Variants in TOLLIP observed in about 807,000 individuals in gnomAD.
The protein encoded by TOLLIP is toll interacting protein, also known as toll-interacting protein.
In TOLLIP, 16 loss-of-function variants were observed where a neutral mutation model predicts 33.5. The observed-to-expected ratio is 0.48, with a 90% CI of 0.32 to 0.72. The LOEUF is 0.72. Among genes scored for constraint, TOLLIP ranks in the 30% least tolerant of loss-of-function variants. The pLI, the probability that TOLLIP is intolerant of heterozygous loss-of-function variation, is 0.03. For synonymous variants in TOLLIP, 176 were observed against 163.7 expected, an observed-to-expected ratio of 1.07 and a Z score of -0.57; for missense variants, 325 against 396.6, an observed-to-expected ratio of 0.82 and a Z score of 1.53.
chr11:1,277,365 G>T lies in TOLLIP; in HGVS notation c.611-112C>A. ...TCCCACCGGCCTCCCTGAGGAAGGG[G>T]CCACCTCGGGTCTCAGCAAACACCA... On this transcript the variant is annotated intron_variant, in intron 5 of 5. Coordinates refer to ENST00000317204, the MANE Select transcript of TOLLIP (RefSeq NM_019009.4). This position sits in a 1 kb window ranked among gnomAD's most constrained non-coding sequence, Gnocchi z 4.2. 1.2e-6 allele frequency: 1 copy of T among 859,816 alleles called. No homozygotes were observed. Among genetic ancestry groups the T allele is most frequent in the Non-Finnish European group, 1.7e-6 (1 of 582,474 alleles). The allele number at this position is 859,816 out of a possible 1,614,324, so 53.3% of individuals were successfully genotyped here. A position where few individuals can be genotyped will look rare whatever the true frequency, so the allele number is the denominator to read the frequency against.
At chr11:1,304,212 A>C (rs1459558243) in intron 1 of TOLLIP, among the ~76,000 whole-genome samples, 1 of 152,084 alleles carries the variant, frequency 6.6e-6, no homozygotes, top group Non-Finnish European at 1.5e-5. Flanking sequence ...CCCACCTTCG[A>C]GGCACTGAGG....
chr11:1,307,099 T>C (rs1292654482), intron 1 of TOLLIP, among the ~76,000 whole-genome samples: 2 of 152,156 alleles, frequency 1.3e-5, no homozygotes, highest in African/African-American at 4.8e-5. Context: ...CACCTGGTTG[T>C]CCCCTGCATC....
chr11:1,293,058 C>CG (rs1437703936), intron 2 of TOLLIP, among the ~76,000 whole-genome samples: 2 of 152,058 alleles, frequency 1.3e-5, no homozygotes. Context: ...TGGGTGGGTG[C>CG]GGGGGGCTCC....
intron 5 of TOLLIP, among the ~76,000 whole-genome samples, chr11:1,280,110 T>C (rs1005467591): frequency 1.5e-4 from 23 of 152,264 alleles, no homozygotes; most frequent in Admixed American, 6.5e-4. Context: ...TGTGATAGTT[T>C]GTCTCGGAAA....
chr11:1,285,329 C>A (rs1554944851), intron 5 of TOLLIP, among the ~76,000 whole-genome samples: 1 of 152,248 alleles, frequency 6.6e-6, no homozygotes, highest in Non-Finnish European at 1.5e-5. Context: ...AGGCTCCCCC[C>A]TAGCACCTCC....
At chr11:1,298,982 G>T (rs1349844199) in intron 1 of TOLLIP, among the ~76,000 whole-genome samples, 1 of 152,250 alleles carries the variant, frequency 6.6e-6, no homozygotes, top group African/African-American at 2.4e-5. Context: ...AAGGCAGGGT[G>T]CTGGGACAGC....
At chr11:1,296,623 C>T (rs1864119820) in intron 1 of TOLLIP, among the ~76,000 whole-genome samples, 3 of 135,406 alleles carry the variant, frequency 2.2e-5, no homozygotes, top group Admixed American at 1.5e-4. Context: ...GGCCTGGTTG[C>T]TGGTGGAGGC....
chr11:1,293,727 A>G (rs1864023579), intron 2 of TOLLIP, among the ~76,000 whole-genome samples: 1 of 152,262 alleles, frequency 6.6e-6, no homozygotes, highest in African/African-American at 2.4e-5. Context: ...TCCAAGGCCC[A>G]GCCAGCTCTG....
In TOLLIP at chr11:1,278,763, C is replaced by T. The variant is rs940229612; in HGVS notation, c.611-1510G>A. Among the ~76,000 whole-genome samples, 4 of 152,346 alleles carry T rather than the reference C, an allele frequency of 2.6e-5. No individual in the cohort carries two copies. Among genetic ancestry groups the T allele is most frequent in the Middle Eastern group, 3.4e-3 (1 of 294 alleles). ...CTTTCGGCAATGACGGAAAACGAAC[C>T]GAACCATGGCCAGGTGGGGACGTGG... On this transcript the variant is annotated intron_variant, in intron 5 of 5. Transcript: ENST00000317204. The surrounding 1 kb of genome is among the most constrained non-coding windows in gnomAD (Gnocchi z 4.7).
chr11:1,300,793 C>A (rs971129517), intron 1 of TOLLIP, among the ~76,000 whole-genome samples: 2 of 152,230 alleles, frequency 1.3e-5, no homozygotes, highest in Non-Finnish European at 2.9e-5. Flanking sequence ...GGAGCCGCAC[C>A]ACAGTCGCCC....
intron 2 of TOLLIP, among the ~76,000 whole-genome samples, chr11:1,295,128 C>G (rs1250493337): frequency 6.6e-6 from 1 of 152,266 alleles, no homozygotes; most frequent in African/African-American, 2.4e-5. Flanking sequence ...TGCAGTCTTA[C>G]AGACGGTTTT....
intron 2 of TOLLIP, among the ~76,000 whole-genome samples, chr11:1,293,936 C>T (rs192349109): frequency 2.8e-4 from 42 of 152,354 alleles, no homozygotes; most frequent in Non-Finnish European, 5.3e-4. Context: ...GTCTGAGACA[C>T]GCCGCGAGGA....
chr11:1,289,897 C>T (rs985044130), intron 3 of TOLLIP, among the ~76,000 whole-genome samples: 3 of 148,792 alleles, frequency 2.0e-5, no homozygotes, highest in African/African-American at 5.0e-5. Flanking sequence ...GCGGAGGGGA[C>T]ACGTGCACGC....
chr11:1,288,042 T>C (rs1863803514), intron 4 of TOLLIP, among the ~76,000 whole-genome samples: 1 of 152,122 alleles, frequency 6.6e-6, no homozygotes, highest in Non-Finnish European at 1.5e-5. Context: ...TAACTGGCCC[T>C]CCTGATGCCC....
In TOLLIP at chr11:1,277,443, A is replaced by G. The variant is rs1021384584; in HGVS notation, c.611-190T>C. On this transcript the variant is annotated intron_variant, in intron 5 of 5. Transcript: ENST00000317204. This position sits in a 1 kb window ranked among gnomAD's most constrained non-coding sequence, Gnocchi z 4.2. ...ACCCCCAAACAGCAACCCCAGGCACAGCCACGGGGAAGGTGGGCAGGGCCC... is the reference window on the plus strand; with the variant it reads ...ACCCCCAAACAGCAACCCCAGGCACGGCCACGGGGAAGGTGGGCAGGGCCC... 6.6e-6 allele frequency among the ~76,000 whole-genome samples: 1 copy of G among 152,208 alleles called. No homozygotes were observed. Among genetic ancestry groups the G allele is most frequent in the African/African-American group, 2.4e-5 (1 of 41,456 alleles).
chr11:1,284,084 G>A (rs1383741216), intron 5 of TOLLIP, among the ~76,000 whole-genome samples: 5 of 152,182 alleles, frequency 3.3e-5, no homozygotes, highest in Admixed American at 2.6e-4. Flanking sequence ...GAGCCACTCT[G>A]GGGGGCAGCC....
intron 1 of TOLLIP, among the ~76,000 whole-genome samples, chr11:1,305,645 TCAC>T (rs1864403123): frequency 2.0e-5 from 3 of 152,120 alleles, no homozygotes; most frequent in Non-Finnish European, 4.4e-5. Flanking sequence ...CCTAATGAAG[TCAC>T]CGATTCGGCA....
chr11:1,309,607 C>T lies in TOLLIP; in HGVS notation c.-109G>A, dbSNP rs963560399. 5.1e-5 allele frequency: 22 copies of T among 431,324 alleles called. No individual in the cohort carries two copies. The highest frequency in any genetic ancestry group is 1.4e-4 in the Admixed American group (3 of 20,774). The allele number at this position is 431,324 out of a possible 1,614,324, so 26.7% of individuals were successfully genotyped here. ...GAGACAGTTGTCACCTCGAGGCCGC[C>T]GCCGCCACAGTCAGCTGACAGCCGC... On this transcript the variant is annotated 5_prime_UTR_variant, in exon 1 of 6. Transcript: ENST00000317204.
At chr11:1,293,897 C>G (rs1864027567) in intron 2 of TOLLIP, among the ~76,000 whole-genome samples, 2 of 152,240 alleles carry the variant, frequency 1.3e-5, no homozygotes. Flanking sequence ...ATCGGCCACA[C>G]CAGCACAGTA....
Sources: allele counts gnomAD v4.1 joint callset (sites outside exome capture counted in the v4.1 genomes callset), GRCh38; gene constraint gnomAD v4.1.1; non-coding constraint Gnocchi (gnomAD v3.1); transcripts MANE v1.5; gene names NCBI Gene and HGNC (gene_info 2026-07-23, HGNC 2026-07-21).